LRRC37A2: variants seen among roughly 807,000 people sequenced by gnomAD.
LRRC37A2 encodes leucine-rich repeat-containing protein 37A2.
Under a neutral mutation model 68.8 loss-of-function variants are expected in LRRC37A2, and 9 were observed. That is an observed-to-expected ratio of 0.13 (90% CI 0.08 to 0.23). The LOEUF (loss-of-function observed/expected upper bound fraction) is 0.23, where lower values mean the gene tolerates loss of function less well. LRRC37A2 is among the 10% of genes least tolerant of loss of function. The pLI, the probability that LRRC37A2 is intolerant of heterozygous loss-of-function variation, is 1.00. For synonymous variants in LRRC37A2, 63 were observed against 367.6 expected (o/e 0.17, Z 9.48); for missense variants, 168 against 950.4 (o/e 0.18, Z 10.82).
chr17:46,796,083 C>T, the LRRC37A2 span, among the ~76,000 whole-genome samples: 6 of 152,212 alleles, frequency 3.9e-5, no homozygotes, highest in Admixed American at 6.5e-5. Context: ...GCACCCTCCA[C>T]GCCTGCAGGC....
the LRRC37A2 span, among the ~76,000 whole-genome samples, chr17:46,772,804 G>A: frequency 7.6e-6 from 1 of 130,760 alleles, no homozygotes; most frequent in Non-Finnish European, 1.6e-5. Flanking sequence ...TCACCTGAAC[G>A]TCAGATCCCT....
At chr17:46,830,940 A>C in the LRRC37A2 span, 4 of 395,678 alleles carry the variant, frequency 1.0e-5, no homozygotes, top group Non-Finnish European at 1.8e-5. Flanking sequence ...AGAAAGTCAC[A>C]CATTCAGAGC....
chr17:46,935,964 G>T, the LRRC37A2 span: 1 of 985,960 alleles, frequency 1.0e-6, no homozygotes, highest in Non-Finnish European at 1.2e-6. Flanking sequence ...TCACTCGGAA[G>T]TGTGAGCTTT....
At chr17:46,876,558 G>A in the LRRC37A2 span, 8 of 1,613,670 alleles carry the variant, frequency 5.0e-6, no homozygotes, top group Non-Finnish European at 5.9e-6. Flanking sequence ...GGTAGGGTGT[G>A]CTCCCGGGAG....
chr17:46,806,315 T>G, the LRRC37A2 span, among the ~76,000 whole-genome samples: 7 of 150,738 alleles, frequency 4.6e-5, no homozygotes, highest in African/African-American at 1.7e-4. Context: ...GTTGAAGCGA[T>G]TCTCCTTTCT....
the LRRC37A2 span, among the ~76,000 whole-genome samples, chr17:46,857,835 T>G: frequency 5.9e-5 from 9 of 152,244 alleles, no homozygotes; most frequent in Admixed American, 5.9e-4. Context: ...GTGTTGAACA[T>G]TTTCCCATGT....
At chr17:46,819,456 G>A in the LRRC37A2 span, among the ~76,000 whole-genome samples, 1 of 152,116 alleles carries the variant, frequency 6.6e-6, no homozygotes, top group Non-Finnish European at 1.5e-5. The surrounding 1 kb of genome is among the most constrained non-coding windows in gnomAD (Gnocchi z 5.3). Context: ...CTCGGAGTCG[G>A]GTCACTTTCT....
At chr17:46,504,950 T>TTA in the LRRC37A2 span, among the ~76,000 whole-genome samples, 1 of 106,590 alleles carries the variant, frequency 9.4e-6, no homozygotes, top group Non-Finnish European at 1.8e-5. Flanking sequence ...ATTAACTAAT[T>TTA]TTGAGAGAGA....
At chr17:46,779,213 G>A in the LRRC37A2 span, among the ~76,000 whole-genome samples, 71 of 152,228 alleles carry the variant, frequency 4.7e-4, no homozygotes, top group African/African-American at 1.6e-3. Context: ...CCCCTCACTC[G>A]CCAGACCTCC....
At chr17:46,850,069 C>T in the LRRC37A2 span, among the ~76,000 whole-genome samples, 2 of 152,154 alleles carry the variant, frequency 1.3e-5, no homozygotes, top group Admixed American at 6.5e-5. Context: ...AGGCTGGTCT[C>T]GAATTCCTGA....
At chr17:46,961,938 T>C in the LRRC37A2 span, among the ~76,000 whole-genome samples, 759 of 152,306 alleles carry the variant, frequency 5.0e-3, 7 homozygotes, top group African/African-American at 0.016. Flanking sequence ...CCAAATCATT[T>C]TATTTAATCA....
chr17:46,935,900 G>A, the LRRC37A2 span: 8 of 985,824 alleles, frequency 8.1e-6, no homozygotes, highest in Non-Finnish European at 9.6e-6. Context: ...TCTGTTATCA[G>A]GGTGTGGTCC....
the LRRC37A2 span, chr17:46,833,302 A>G: frequency 2.0e-6 from 1 of 500,654 alleles, no homozygotes; most frequent in African/African-American, 1.9e-5. Flanking sequence ...CTAACGTCCC[A>G]CTGAAAGCAA....
At chr17:46,949,528 G>T in the LRRC37A2 span, among the ~76,000 whole-genome samples, 1 of 152,192 alleles carries the variant, frequency 6.6e-6, no homozygotes, top group Non-Finnish European at 1.5e-5. Context: ...AGAAGAGCAG[G>T]TGGGATGGAA....
chr17:46,785,518 G>A, the LRRC37A2 span, among the ~76,000 whole-genome samples: 4 of 152,228 alleles, frequency 2.6e-5, no homozygotes, highest in Admixed American at 2.6e-4. Flanking sequence ...AGGAGCCCCG[G>A]AAACTCACTA....
At chr17:46,595,428 A>G in the LRRC37A2 span, among the ~76,000 whole-genome samples, 6 of 81,766 alleles carry the variant, frequency 7.3e-5, no homozygotes, top group Admixed American at 1.4e-4. Flanking sequence ...CATGAGTCCA[A>G]TGTATTAAGT....
chr17:46,909,501 T>C, the LRRC37A2 span, among the ~76,000 whole-genome samples: 1 of 152,232 alleles, frequency 6.6e-6, no homozygotes, highest in East Asian at 1.9e-4. Context: ...TTTTACCTTT[T>C]TACCTTTTTC....
At chr17:46,746,236 C>G in the LRRC37A2 span, among the ~76,000 whole-genome samples, 2 of 152,192 alleles carry the variant, frequency 1.3e-5, no homozygotes, top group Non-Finnish European at 2.9e-5. Context: ...ACCCTTTAAT[C>G]TGAATGCTCA....
the LRRC37A2 span, among the ~76,000 whole-genome samples, chr17:46,379,902 G>T: frequency 1.0e-4 from 1 of 9,960 alleles, no homozygotes; most frequent in East Asian, 1.6e-3. Context: ...TTTTGAGACA[G>T]AGTCTTGTTC....
Sources: gnomAD v4.1 joint callset for allele counts (sites outside exome capture counted in the v4.1 genomes callset) on GRCh38, gnomAD v4.1.1 for gene constraint, Gnocchi (gnomAD v3.1) non-coding constraint, MANE v1.5 for transcripts, NCBI Gene and HGNC (gene_info 2026-07-23, HGNC 2026-07-21) for gene names.